The following TBX15 variants were observed in gnomAD, a reference collection of about 807,000 sequenced individuals.
TBX15 encodes T-box transcription factor 15.
Under a neutral mutation model 53.9 loss-of-function variants are expected in TBX15, and 18 were observed. The ratio of observed to expected loss-of-function variants is 0.33; its 90% CI spans 0.23 to 0.49. The LOEUF is 0.49. Among genes scored for constraint, TBX15 ranks in the 20% least tolerant of loss-of-function variants. The pLI is 0.98. For missense variants in TBX15, 692 were observed against 749.5 expected (o/e 0.92, Z 0.90); for synonymous variants, 295 against 278.0 (o/e 1.06, Z -0.61).
Position 118,884,398 on chromosome 1 carries a change from A to AGCTAG in TBX15, c.*333_*334insCTAGC, listed in dbSNP as rs1162357855. The AGCTAG allele has an allele frequency of 2.7e-6, 1 of 372,098 alleles. No homozygotes were observed. The highest frequency in any genetic ancestry group is 5.0e-6 in the Non-Finnish European group (1 of 199,142). The allele number at this position is 372,098 out of a possible 1,614,324, so 23.0% of individuals were successfully genotyped here. A position where few individuals can be genotyped will look rare whatever the true frequency, so the allele number is the denominator to read the frequency against. ...TGTGGGTGTGTATGTGTAACTTTTC[A>AGCTAG]TGGCTGCCACACACTAGCATCTCCC... On this transcript the variant is annotated 3_prime_UTR_variant, in exon 8 of 8. Coordinates refer to ENST00000369429, the MANE Select transcript of TBX15 (RefSeq NM_001330677.2).
intron 1 of TBX15, among the ~76,000 whole-genome samples, chr1:118,933,432 T>C (rs1655866417): frequency 6.7e-6 from 1 of 149,458 alleles, no homozygotes; most frequent in Admixed American, 6.8e-5. Flanking sequence ...GTCACTATCT[T>C]CATTCTCCCT....
intron 2 of TBX15, among the ~76,000 whole-genome samples, chr1:118,930,519 G>A (rs1312178575): frequency 2.0e-5 from 3 of 152,100 alleles, no homozygotes; most frequent in South Asian, 2.1e-4. Context: ...AGCTTCAAGC[G>A]ATTCTCCTGC....
intron 1 of TBX15, among the ~76,000 whole-genome samples, chr1:118,952,256 C>A (rs1444549023): frequency 2.0e-5 from 3 of 152,034 alleles, no homozygotes; most frequent in African/African-American, 7.2e-5. Context: ...ATGTATTAAC[C>A]AGCTATTTAT....
At chr1:118,955,797 A>G (rs767142524) in intron 1 of TBX15, among the ~76,000 whole-genome samples, 9 of 152,190 alleles carry the variant, frequency 5.9e-5, no homozygotes, top group Non-Finnish European at 1.3e-4. Context: ...ATTAGTTACA[A>G]CAGCCCACTC....
intron 2 of TBX15, among the ~76,000 whole-genome samples, chr1:118,930,939 G>T (rs1055263396): frequency 1.3e-5 from 2 of 152,120 alleles, no homozygotes; most frequent in Non-Finnish European, 2.9e-5. Flanking sequence ...AACCTCATAG[G>T]GTTCCTGTAA....
At chr1:118,923,196 C>A (rs1256381352) in intron 5 of TBX15, among the ~76,000 whole-genome samples, 2 of 151,992 alleles carry the variant, frequency 1.3e-5, no homozygotes, top group Non-Finnish European at 2.9e-5. Context: ...TTAAATAGCA[C>A]CCAAACCAAA....
At chr1:118,950,142 G>A (rs1656469522) in intron 1 of TBX15, among the ~76,000 whole-genome samples, 1 of 152,304 alleles carries the variant, frequency 6.6e-6, no homozygotes, top group South Asian at 2.1e-4. Context: ...CAAATAGGGA[G>A]GATGAAGGAA....
rs547721965 is a variant in TBX15, at chr1:118,979,486, T to C, written c.205+8105A>G. Among the ~76,000 whole-genome samples, 4 of 152,288 alleles carry C rather than the reference T, an allele frequency of 2.6e-5. No homozygotes were observed. The South Asian group carries it at 6.2e-4, about 24-fold the overall frequency. Reference sequence around the variant, plus strand: ...AGCCAGCGGATTCTTGGTTTCTAATTGCTAATGTTTGAAGTCAGTTTGATT... The same window carrying C: ...AGCCAGCGGATTCTTGGTTTCTAATCGCTAATGTTTGAAGTCAGTTTGATT... On this transcript the variant is annotated intron_variant, in intron 1 of 7. Coordinates refer to ENST00000369429, the MANE Select transcript of TBX15 (RefSeq NM_001330677.2).
At chr1:118,890,109 T>C (rs1056638881) in intron 7 of TBX15, among the ~76,000 whole-genome samples, 2 of 152,192 alleles carry the variant, frequency 1.3e-5, no homozygotes, top group Non-Finnish European at 2.9e-5. Context: ...ATGTTTGTTG[T>C]ACATGCTAGA....
At chr1:118,954,804 G>A (rs1183373347) in intron 1 of TBX15, among the ~76,000 whole-genome samples, 1 of 152,128 alleles carries the variant, frequency 6.6e-6, no homozygotes, top group Non-Finnish European at 1.5e-5. Context: ...TCCAAATGTT[G>A]GTATCCACAA....
At chr1:118,952,645 C>T (rs1490083319) in intron 1 of TBX15, among the ~76,000 whole-genome samples, 1 of 152,130 alleles carries the variant, frequency 6.6e-6, no homozygotes, top group Non-Finnish European at 1.5e-5. Flanking sequence ...TAACATAGCT[C>T]TAAATACCTA....
At chr1:118,939,706 G>A (rs887429780) in intron 1 of TBX15, among the ~76,000 whole-genome samples, 3 of 151,572 alleles carry the variant, frequency 2.0e-5, no homozygotes, top group African/African-American at 7.3e-5. Flanking sequence ...AGTTAAAATT[G>A]TTTAAAGTTG....
At chr1:118,965,842 C>A (rs907159349) in intron 1 of TBX15, among the ~76,000 whole-genome samples, 2 of 152,152 alleles carry the variant, frequency 1.3e-5, no homozygotes, top group Admixed American at 6.6e-5. Context: ...TATTATGCCA[C>A]AATCTCTCTT....
chr1:118,943,199 T>G (rs182968907), intron 1 of TBX15, among the ~76,000 whole-genome samples: 21 of 152,324 alleles, frequency 1.4e-4, no homozygotes, highest in Non-Finnish European at 7.3e-5. Flanking sequence ...ATGCGTTAAG[T>G]CTTTTCTCAG....
chr1:118,970,740 C>T (rs1322332546), intron 1 of TBX15, among the ~76,000 whole-genome samples: 6 of 152,110 alleles, frequency 3.9e-5, no homozygotes, highest in Admixed American at 6.5e-5. Context: ...AGAGCTGCCT[C>T]ATATTTCTCA....
Position 118,913,232 on chromosome 1 carries a change from T to TA in TBX15, c.926+882dup, listed in dbSNP as rs34874727. On this transcript the variant is annotated intron_variant, in intron 6 of 7. Coordinates refer to ENST00000369429, the MANE Select transcript of TBX15 (RefSeq NM_001330677.2). ...AATGTAAATAAATGCCCTCAAACTA[T>TA]AAAAAAAAAAAATCTATTAAAATAA... Among the ~76,000 whole-genome samples the TA allele has an allele frequency of 5.8e-3, 862 of 148,200 alleles. 28 individuals carry two copies. Among genetic ancestry groups the TA allele is most frequent in the Admixed American group, 0.038 (556 of 14,786 alleles).
chr1:118,965,761 A>C (rs139557760), intron 1 of TBX15, among the ~76,000 whole-genome samples: 1 of 152,364 alleles, frequency 6.6e-6, no homozygotes, highest in East Asian at 1.9e-4. Context: ...GAGAACTTGC[A>C]AGAATGACTA....
At position 118,885,137 on chromosome 1, in the gene TBX15, C is replaced by G. The variant is rs750877260; in HGVS notation, c.1404G>C (p.Gln468His). ...ACTGGGAAGTGGGAAAGGACCCCAG[C>G]TGGCCACCGTAGGCTTCCATCTTGC... is the stretch of plus-strand genomic sequence containing the variant. ...GNSKMEAYGG[Q>H]LGSFPTSQFQ... Residue 468 changes from glutamine to histidine, a missense_variant, in exon 8 of 8, where the codon CAG becomes CAC. Transcript: ENST00000369429. 5.6e-6 allele frequency: 9 copies of G among 1,614,086 alleles called. No individual in the cohort carries two copies. In the East Asian group the frequency reaches 1.6e-4, roughly 28 times the overall value.
chr1:118,905,327 A>G (rs1325985662), intron 6 of TBX15, among the ~76,000 whole-genome samples: 1 of 152,196 alleles, frequency 6.6e-6, no homozygotes, highest in Non-Finnish European at 1.5e-5. Flanking sequence ...TCTCTGTTCG[A>G]TGACACCATC....
Sources: gnomAD v4.1 joint callset for allele counts (sites outside exome capture counted in the v4.1 genomes callset) on GRCh38, gnomAD v4.1.1 for gene constraint, MANE v1.5 for transcripts, NCBI Gene and HGNC (gene_info 2026-07-23, HGNC 2026-07-21) for gene names.